The following GPC5 variants were observed in gnomAD, a reference collection of about 807,000 sequenced individuals.
GPC5 encodes the protein glypican 5.
Under a neutral mutation model 53.9 loss-of-function variants are expected in GPC5, and 47 were observed. The ratio of observed to expected loss-of-function variants is 0.87; its 90% CI spans 0.69 to 1.11. The LOEUF is 1.11. GPC5 is among the 50% of genes most tolerant of loss of function. The pLI is 0.00. For synonymous variants in GPC5, 286 were observed against 263.3 expected, an observed-to-expected ratio of 1.09 and a Z score of -0.84; for missense variants, 748 against 713.1, an observed-to-expected ratio of 1.05 and a Z score of -0.56.
chr13:91,571,814 CGTGT>C (rs375272699), intron 2 of GPC5, among the ~76,000 whole-genome samples: 2 of 95,736 alleles, frequency 2.1e-5, no homozygotes, highest in Non-Finnish European at 2.0e-5. Context: ...CACACACATA[CGTGT>C]GTGTATATAT....
At chr13:92,361,908 A>G (rs1375046556) in intron 7 of GPC5, among the ~76,000 whole-genome samples, 1 of 151,672 alleles carries the variant, frequency 6.6e-6, no homozygotes, top group East Asian at 1.9e-4. Flanking sequence ...AATGACCTAC[A>G]GCTAACGAGC....
chr13:91,645,229 C>G (rs1328680371), intron 2 of GPC5, among the ~76,000 whole-genome samples: 1 of 152,046 alleles, frequency 6.6e-6, no homozygotes, highest in African/African-American at 2.4e-5. Flanking sequence ...CTGTTTTTTT[C>G]TAACTGTTTT....
At chr13:92,506,559 G>A (rs2138943954) in intron 7 of GPC5, among the ~76,000 whole-genome samples, 1 of 152,190 alleles carries the variant, frequency 6.6e-6, no homozygotes, top group South Asian at 2.1e-4. Flanking sequence ...ATATGATTTA[G>A]ACACAACAGT....
At chr13:92,755,876 T>C (rs1166551427) in intron 7 of GPC5, among the ~76,000 whole-genome samples, 2 of 145,512 alleles carry the variant, frequency 1.4e-5, no homozygotes, top group Non-Finnish European at 3.0e-5. Flanking sequence ...ACCAGATGGA[T>C]TCACAGCCGA....
chr13:91,964,691 C>G (rs1275488033), intron 6 of GPC5, among the ~76,000 whole-genome samples: 1 of 152,058 alleles, frequency 6.6e-6, no homozygotes, highest in Non-Finnish European at 1.5e-5. Flanking sequence ...AAAAGCCCAG[C>G]CAGCTTCACC....
chr13:91,897,725 A>C (rs1214334605), intron 5 of GPC5, among the ~76,000 whole-genome samples: 5 of 152,194 alleles, frequency 3.3e-5, no homozygotes, highest in African/African-American at 1.2e-4. Context: ...AGGTTCAATA[A>C]ATGTATTAGA....
At chr13:91,458,207 T>G (rs1465113479) in intron 2 of GPC5, among the ~76,000 whole-genome samples, 1 of 152,004 alleles carries the variant, frequency 6.6e-6, no homozygotes, top group Non-Finnish European at 1.5e-5. Context: ...GGGCCTCAGC[T>G]GTCAGAGGAA....
intron 7 of GPC5, among the ~76,000 whole-genome samples, chr13:92,696,355 T>A (rs979374701): frequency 1.3e-5 from 2 of 152,166 alleles, no homozygotes; most frequent in Non-Finnish European, 2.9e-5. Context: ...CTCTCCAGCA[T>A]CTGTTGTTTC....
chr13:92,005,303 C>G (rs1219296763), intron 6 of GPC5, among the ~76,000 whole-genome samples: 1 of 152,150 alleles, frequency 6.6e-6, no homozygotes, highest in Admixed American at 6.5e-5. Flanking sequence ...ACTACTTTGG[C>G]CTTTTATCCA....
intron 7 of GPC5, among the ~76,000 whole-genome samples, chr13:92,199,308 T>C (rs2042278404): frequency 2.0e-5 from 3 of 152,210 alleles, no homozygotes; most frequent in Admixed American, 6.5e-5. Flanking sequence ...ACCCACTCAA[T>C]ATAAAAAGAT....
At position 91,641,445 on chromosome 13, in the gene GPC5, C is replaced by A. The variant is rs74871600; in HGVS notation, c.326-51742C>A. Reference sequence around the variant, plus strand: ...CATGGACACGGAGGGGAACAACACACACTGGGGCCTGTTGTGGGGTGGGGT... The same window carrying A: ...CATGGACACGGAGGGGAACAACACAAACTGGGGCCTGTTGTGGGGTGGGGT... On this transcript the variant is annotated intron_variant, in intron 2 of 7. Transcript: ENST00000377067. 6.6e-5 allele frequency among the ~76,000 whole-genome samples: 10 copies of A among 152,246 alleles called. No individual in the cohort carries two copies. In the East Asian group the frequency reaches 1.9e-3, roughly 29 times the overall value.
intron 7 of GPC5, among the ~76,000 whole-genome samples, chr13:92,361,678 A>G (rs1225006141): frequency 6.6e-6 from 1 of 151,720 alleles, no homozygotes; most frequent in Non-Finnish European, 1.5e-5. Flanking sequence ...AGAGGAGGAT[A>G]AGATTCTTGC....
At chr13:92,624,182 G>C (rs2139120003) in intron 7 of GPC5, among the ~76,000 whole-genome samples, 1 of 151,720 alleles carries the variant, frequency 6.6e-6, no homozygotes, top group Non-Finnish European at 1.5e-5. Flanking sequence ...CGATCCTCCT[G>C]CCTTGGCCCC....
At chr13:91,872,710 A>G (rs1172393981) in intron 5 of GPC5, among the ~76,000 whole-genome samples, 1 of 152,180 alleles carries the variant, frequency 6.6e-6, no homozygotes, top group Non-Finnish European at 1.5e-5. Flanking sequence ...CCTAATGTCT[A>G]TGCACATTGA....
chr13:91,548,668 C>T (rs541986391), intron 2 of GPC5, among the ~76,000 whole-genome samples: 2 of 152,120 alleles, frequency 1.3e-5, no homozygotes, highest in Non-Finnish European at 2.9e-5. Flanking sequence ...AGGAGAAGAA[C>T]GAAGTTGGAG....
At chr13:91,742,008 A>G (rs1339201888) in intron 4 of GPC5, among the ~76,000 whole-genome samples, 1 of 152,174 alleles carries the variant, frequency 6.6e-6, no homozygotes, top group African/African-American at 2.4e-5. Context: ...ATGAAAAAAA[A>G]TCTGCTTAAT....
intron 2 of GPC5, among the ~76,000 whole-genome samples, chr13:91,519,361 C>T (rs928616409): frequency 3.9e-5 from 6 of 152,082 alleles, no homozygotes; most frequent in African/African-American, 1.4e-4. Flanking sequence ...CTGTTTCCCC[C>T]ACCCAAATTT....
chr13:91,649,661 G>A lies in GPC5; in HGVS notation c.326-43526G>A, dbSNP rs372479478. Among the ~76,000 whole-genome samples, 134 of 152,290 alleles carry A rather than the reference G, an allele frequency of 8.8e-4. 3 individuals are homozygous for A. In the South Asian group the frequency reaches 0.027, roughly 30 times the overall value. Reference sequence around the variant, plus strand: ...CACAGCATGTTACGATGCAGAGAATGTCTATATTGATCAGCAGTCCCAGGG... The same window carrying A: ...CACAGCATGTTACGATGCAGAGAATATCTATATTGATCAGCAGTCCCAGGG... On this transcript the variant is annotated intron_variant, in intron 2 of 7. Transcript: ENST00000377067.
At position 92,215,607 on chromosome 13, in the gene GPC5, G is replaced by T. The variant is rs577659482; in HGVS notation, c.1561+70618G>T. ...AAACAAAATGGGCACAGGTGTTTTA[G>T]AAAGCAAGCACCTAGAAATAAAATG... On this transcript the variant is annotated intron_variant, in intron 7 of 7. Transcript: ENST00000377067. 2.0e-5 allele frequency among the ~76,000 whole-genome samples: 3 copies of T among 152,212 alleles called. No homozygotes were observed. In the East Asian group the frequency reaches 5.8e-4, roughly 29 times the overall value.
Sources: gnomAD v4.1 joint callset for allele counts (sites outside exome capture counted in the v4.1 genomes callset) on GRCh38, gnomAD v4.1.1 for gene constraint, MANE v1.5 for transcripts, NCBI Gene and HGNC (gene_info 2026-07-23, HGNC 2026-07-21) for gene names.